GPC5: variants seen among roughly 807,000 people sequenced by gnomAD.
The protein encoded by GPC5 is glypican 5.
A neutral mutation model predicts 53.9 loss-of-function variants in GPC5; 47 were observed. The observed-to-expected ratio is 0.87, with a 90% CI of 0.69 to 1.11. The LOEUF (loss-of-function observed/expected upper bound fraction) is 1.11, where lower values mean the gene tolerates loss of function less well. Ranked by LOEUF, GPC5 falls within the 50% of genes most tolerant of loss-of-function variation. The pLI is 0.00. For synonymous variants in GPC5, 286 were observed against 263.3 expected, an observed-to-expected ratio of 1.09 and a Z score of -0.84; for missense variants, 748 against 713.1, an observed-to-expected ratio of 1.05 and a Z score of -0.56.
intron 6 of GPC5, among the ~76,000 whole-genome samples, chr13:92,121,695 A>G (rs1296374345): frequency 6.6e-6 from 1 of 152,168 alleles, no homozygotes; most frequent in Non-Finnish European, 1.5e-5. Context: ...CTTCTTAGCC[A>G]GACTATCAGG....
At chr13:91,597,999 AC>A (rs1346230349) in intron 2 of GPC5, among the ~76,000 whole-genome samples, 2 of 152,180 alleles carry the variant, frequency 1.3e-5, no homozygotes, top group Admixed American at 6.5e-5. Context: ...TTTGTAAAAA[AC>A]ATCAGAAAAT....
At chr13:92,199,363 A>T (rs1326851621) in intron 7 of GPC5, among the ~76,000 whole-genome samples, 1 of 152,222 alleles carries the variant, frequency 6.6e-6, no homozygotes, top group Non-Finnish European at 1.5e-5. Context: ...ATCACCCCTT[A>T]TTTAAGTTGG....
intron 7 of GPC5, among the ~76,000 whole-genome samples, chr13:92,798,861 A>G (rs1453649543): frequency 6.6e-6 from 1 of 151,892 alleles, no homozygotes. Flanking sequence ...CTGCTGTACG[A>G]AAACTCTAAA....
chr13:91,507,548 A>T (rs1885008546), intron 2 of GPC5, among the ~76,000 whole-genome samples: 2 of 152,206 alleles, frequency 1.3e-5, no homozygotes, highest in African/African-American at 4.8e-5. Context: ...TATCACAAGA[A>T]CAGCAAGGGA....
chr13:92,076,777 T>C (rs1287051054), intron 6 of GPC5, among the ~76,000 whole-genome samples: 1 of 152,210 alleles, frequency 6.6e-6, no homozygotes, highest in African/African-American at 2.4e-5. Flanking sequence ...CCTGCAAAGC[T>C]GTCCTTTGTT....
intron 6 of GPC5, among the ~76,000 whole-genome samples, chr13:92,024,434 A>T (rs1287136580): frequency 6.6e-6 from 1 of 152,062 alleles, no homozygotes; most frequent in Non-Finnish European, 1.5e-5. Context: ...CTCTTAACAC[A>T]TCGGTGGTTC....
intron 2 of GPC5, among the ~76,000 whole-genome samples, chr13:91,564,806 AAGTGATT>A (rs1462427000): frequency 6.6e-6 from 1 of 152,108 alleles, no homozygotes; most frequent in Non-Finnish European, 1.5e-5. Flanking sequence ...TTTAGTCTTT[AAGTGATT>A]TACAAGTCTT....
At chr13:91,637,596 G>A (rs1244144590) in intron 2 of GPC5, among the ~76,000 whole-genome samples, 1 of 152,134 alleles carries the variant, frequency 6.6e-6, no homozygotes, top group African/African-American at 2.4e-5. Context: ...ACTGAAAATA[G>A]GGACGAACAG....
At chr13:92,555,698 A>G (rs1882470108) in intron 7 of GPC5, among the ~76,000 whole-genome samples, 1 of 149,868 alleles carries the variant, frequency 6.7e-6, no homozygotes, top group South Asian at 2.1e-4. Context: ...GGATGAAAAC[A>G]CATATTGAAT....
At chr13:92,142,787 G>T (rs1460618422) in intron 6 of GPC5, among the ~76,000 whole-genome samples, 1 of 152,086 alleles carries the variant, frequency 6.6e-6, no homozygotes, top group African/African-American at 2.4e-5. Flanking sequence ...TAATTCTTAG[G>T]GAAGTAAAGG....
intron 5 of GPC5, among the ~76,000 whole-genome samples, chr13:91,833,617 A>G (rs1434509710): frequency 1.3e-5 from 2 of 152,210 alleles, no homozygotes; most frequent in Admixed American, 6.5e-5. Context: ...AATCCATCAC[A>G]TAAACAGAAC....
intron 2 of GPC5, among the ~76,000 whole-genome samples, chr13:91,493,866 T>C (rs540774949): frequency 3.1e-4 from 47 of 151,642 alleles, no homozygotes; most frequent in African/African-American, 1.1e-3. Flanking sequence ...GTATCTGTTA[T>C]ATGCTGCATT....
chr13:92,304,482 G>A (rs1192585085), intron 7 of GPC5, among the ~76,000 whole-genome samples: 1 of 152,080 alleles, frequency 6.6e-6, no homozygotes, highest in South Asian at 2.1e-4. Flanking sequence ...GGGATTACAG[G>A]TGTGAGCCAC....
intron 6 of GPC5, among the ~76,000 whole-genome samples, chr13:91,925,936 A>T (rs1353893966): frequency 6.6e-6 from 1 of 152,186 alleles, no homozygotes; most frequent in Non-Finnish European, 1.5e-5. Flanking sequence ...CTTCAATTAG[A>T]ATATAATTAT....
intron 6 of GPC5, among the ~76,000 whole-genome samples, chr13:92,071,892 GTAT>G (rs1439881723): frequency 1.4e-5 from 2 of 144,778 alleles, no homozygotes; most frequent in African/African-American, 5.0e-5. Context: ...TGTATAAAAT[GTAT>G]TATTTTATAC....
intron 2 of GPC5, among the ~76,000 whole-genome samples, chr13:91,613,482 A>G (rs937141070): frequency 3.3e-5 from 5 of 152,176 alleles, no homozygotes; most frequent in Non-Finnish European, 5.9e-5. Flanking sequence ...ATTCAAGATG[A>G]GATTTTGGTG....
At chr13:92,013,457 T>C (rs1318236005) in intron 6 of GPC5, among the ~76,000 whole-genome samples, 1 of 152,082 alleles carries the variant, frequency 6.6e-6, no homozygotes, top group Admixed American at 6.6e-5. Flanking sequence ...GAGTCTGGGG[T>C]CTTTATAGGC....
intron 7 of GPC5, among the ~76,000 whole-genome samples, chr13:92,272,533 G>A (rs2042847057): frequency 6.6e-6 from 1 of 152,172 alleles, no homozygotes; most frequent in Non-Finnish European, 1.5e-5. Flanking sequence ...GACCGGACAG[G>A]TGCAGGAGAA....
chr13:92,680,905 T>C (rs1887091646), intron 7 of GPC5, among the ~76,000 whole-genome samples: 1 of 152,134 alleles, frequency 6.6e-6, no homozygotes, highest in Non-Finnish European at 1.5e-5. Context: ...TTCAGACCCG[T>C]GCATCCAACT....
Sources: allele counts gnomAD v4.1 joint callset (sites outside exome capture counted in the v4.1 genomes callset), GRCh38; gene constraint gnomAD v4.1.1; transcripts MANE v1.5; gene names NCBI Gene and HGNC (gene_info 2026-07-23, HGNC 2026-07-21).